HNF4A: variants seen among roughly 807,000 people sequenced by gnomAD.
HNF4A encodes hepatocyte nuclear factor 4-alpha.
In HNF4A, 15 loss-of-function variants were observed where a neutral mutation model predicts 52.4. The ratio of observed to expected loss-of-function variants is 0.29; its 90% CI spans 0.19 to 0.44. The LOEUF is 0.44. Ranked by LOEUF, HNF4A falls within the 20% of genes least tolerant of loss-of-function variation. The pLI, the probability that HNF4A is intolerant of heterozygous loss-of-function variation, is 1.00. For missense variants in HNF4A, 479 were observed against 647.2 expected (o/e 0.74, Z 2.82); for synonymous variants, 280 against 264.4 (o/e 1.06, Z -0.57).
At chr20:44,434,209 C>A (rs1008507672), downstream of HNF4A, 1 of 152,154 alleles carries the variant, frequency 6.6e-6, no homozygotes, top group African/African-American at 2.4e-5. Context: ...CCACTCCGAG[C>A]CTCATCTGTA....
At chr20:44,425,609 T>C (rs1423302824) in intron 8 of HNF4A, among the ~76,000 whole-genome samples, 1 of 151,312 alleles carries the variant, frequency 6.6e-6, no homozygotes, top group Admixed American at 6.6e-5. Context: ...GGGGTGGTAG[T>C]GAGGGGTGAC....
chr20:44,390,663 C>T (rs549449127), intron 1 of HNF4A: 6 of 702,356 alleles, frequency 8.5e-6, no homozygotes, highest in South Asian at 1.5e-5. Context: ...GCCAGGGCTT[C>T]CCCCAGGACC....
intron 7 of HNF4A, among the ~76,000 whole-genome samples, chr20:44,420,350 A>G (rs1009396987): frequency 2.6e-5 from 4 of 151,900 alleles, no homozygotes; most frequent in Non-Finnish European, 5.9e-5. Context: ...GGAGGATATG[A>G]CTTGACAGGG....
intron 7 of HNF4A, among the ~76,000 whole-genome samples, chr20:44,422,683 A>C (rs1489255251): frequency 6.8e-6 from 1 of 147,584 alleles, no homozygotes; most frequent in Non-Finnish European, 1.5e-5. Context: ...ATATATAAAT[A>C]TATATTTTTT....
At position 44,424,259 on chromosome 20, in the gene HNF4A, G is replaced by A. The variant is rs745742092; in HGVS notation, c.1129+5G>A. On this transcript the variant is annotated splice_donor_5th_base_variant and intron_variant, in intron 8 of 9. Coordinates refer to ENST00000316099, the MANE Select transcript of HNF4A (RefSeq NM_000457.6). ...TGCAGGAGATGCTGCTGGGAGGTCC[G>A]TGCCAAGCCCAGGAGGGGCGGGGTT... is the stretch of plus-strand genomic sequence containing the variant. 28 of 1,613,566 alleles carry A rather than the reference G, an allele frequency of 1.7e-5. No homozygotes were observed. The highest frequency in any genetic ancestry group is 4.5e-5 in the East Asian group (2 of 44,876).
In HNF4A at chr20:44,414,656, C is replaced by T. The variant is rs759574096; in HGVS notation, c.642C>T (p.Asp214=). 5.0e-5 allele frequency: 81 copies of T among 1,604,478 alleles called. No homozygotes were observed. In the African/African-American group the frequency reaches 6.4e-4, roughly 13 times the overall value. The change falls in exon 5 of 10, where the codon GAC becomes GAT. Residue 214 remains aspartate, a synonymous_variant. Transcript: ENST00000316099. ...CAGCTTTCTGCGAGCTCCCCCTGGA[C>T]GACCAGGTGAGGATGGGCGTGGATG...
chr20:44,388,375 C>A (rs1250258025), intron 1 of HNF4A, among the ~76,000 whole-genome samples: 2 of 114,666 alleles, frequency 1.7e-5, no homozygotes, highest in Admixed American at 7.6e-5. Flanking sequence ...CTCAAAGACC[C>A]CCCCCACCCC....
intron 1 of HNF4A, chr20:44,390,576 C>A (rs1337791167): frequency 1.4e-6 from 1 of 701,820 alleles, no homozygotes; most frequent in Non-Finnish European, 2.6e-6. Context: ...GAGGGGCCAG[C>A]AGGAGCTCCC....
At chr20:44,400,750 C>T (rs367966071), upstream of HNF4A, among the ~76,000 whole-genome samples, 45 of 152,226 alleles carry the variant, frequency 3.0e-4, no homozygotes, top group South Asian at 5.6e-3. Context: ...CGGGAAACTG[C>T]GGGGGAACTG....
intron 8 of HNF4A, 60 bp downstream of exon 8, chr20:44,424,314 C>G: frequency 6.2e-7 from 1 of 1,601,156 alleles, no homozygotes; most frequent in Non-Finnish European, 8.5e-7. Context: ...AGACAGGCCT[C>G]ACACAGTGAG....
Position 44,419,853 on chromosome 20 carries a change from A to G in HNF4A, c.869A>G (p.Lys290Arg), listed in dbSNP as rs775961355. ...GATGACAATGAGTATGCCTACCTCA[A>G]AGCCATCATCTTCTTTGACCCAGGT... The change falls in exon 7 of 10, where the codon AAA becomes AGA. Residue 290 changes from lysine to arginine, a missense_variant. Coordinates refer to ENST00000316099, the MANE Select transcript of HNF4A (RefSeq NM_000457.6). The G allele has an allele frequency of 1.2e-6, 2 of 1,614,050 alleles. No individual in the cohort carries two copies. Among genetic ancestry groups the G allele is most frequent in the South Asian group, 1.1e-5 (1 of 91,076 alleles).
At chr20:44,416,445 A>T (rs1316613982) in intron 5 of HNF4A, among the ~76,000 whole-genome samples, 5 of 152,264 alleles carry the variant, frequency 3.3e-5, no homozygotes, top group Admixed American at 3.3e-4. Context: ...ATTCAAATCC[A>T]GGTCTTCCGC....
chr20:44,414,687 C>T, intron 5 of HNF4A, 25 bp downstream of exon 5: 1 of 1,581,656 alleles, frequency 6.3e-7, no homozygotes, highest in Non-Finnish European at 8.6e-7. Context: ...GGATGGTGGG[C>T]AGTAGTGGGC....
chr20:44,401,591 C>T lies in HNF4A; in HGVS notation c.115+104C>T, dbSNP rs912877308. ...ACTTTGGGGTGGGAGGAGAATGATA[C>T]AAAATGGTAGGTTGGTCCTACAGGC... On this transcript the variant is annotated intron_variant, in intron 1 of 9. Coordinates refer to ENST00000316099, the MANE Select transcript of HNF4A (RefSeq NM_000457.6). 4.2e-6 allele frequency: 6 copies of T among 1,420,222 alleles called. No individual in the cohort carries two copies. In the Admixed American group the frequency reaches 7.8e-5, roughly 18 times the overall value. The allele number at this position is 1,420,222 out of a possible 1,614,324, so 88.0% of individuals were successfully genotyped here.
intron 7 of HNF4A, among the ~76,000 whole-genome samples, chr20:44,421,778 T>TATA (rs1326113983): frequency 6.8e-6 from 1 of 146,628 alleles, no homozygotes; most frequent in Non-Finnish European, 1.5e-5. Flanking sequence ...TATGTGTATA[T>TATA]ATATATAATA....
At chr20:44,397,871 C>A (rs541084195), upstream of HNF4A, among the ~76,000 whole-genome samples, 7 of 152,294 alleles carry the variant, frequency 4.6e-5, no homozygotes, top group Admixed American at 1.3e-4. Context: ...AGGTGATCTG[C>A]CTGCCTCGGC....
At position 44,364,976 on chromosome 20, in the gene HNF4A, G is replaced by T. The variant is rs75917681; in HGVS notation, c.49+9123G>T. Among the ~76,000 whole-genome samples, 709 of 152,264 alleles carry T rather than the reference G, an allele frequency of 4.7e-3. 4 individuals carry two copies. Among genetic ancestry groups the T allele is most frequent in the Non-Finnish European group, 7.4e-3 (503 of 68,020 alleles). On this transcript the variant is annotated intron_variant, in intron 1 of 9. Coordinates refer to the HNF4A transcript ENST00000316673. ...CATGGCCCTTGCCAAATGCAAGGGGGTCTGGAAGATGTGGTCCCTAGCGGG... is the reference window on the plus strand; with the variant it reads ...CATGGCCCTTGCCAAATGCAAGGGGTTCTGGAAGATGTGGTCCCTAGCGGG...
chr20:44,418,404 A>G (rs1251090207), intron 5 of HNF4A, 21 bp from the exon 6 acceptor site: 1 of 1,607,186 alleles, frequency 6.2e-7, no homozygotes, highest in Non-Finnish European at 8.5e-7. Flanking sequence ...GATGGCAAAC[A>G]CTGTTCCTTC....
chr20:44,401,095 G>A (rs1039157903), upstream of HNF4A, among the ~76,000 whole-genome samples: 1 of 152,154 alleles, frequency 6.6e-6, no homozygotes, highest in Non-Finnish European at 1.5e-5. Context: ...AGCACCCCGG[G>A]TGTCAGCCAG....
Sources: allele counts gnomAD v4.1 joint callset (sites outside exome capture counted in the v4.1 genomes callset), GRCh38; gene constraint gnomAD v4.1.1; transcripts MANE v1.5; gene names NCBI Gene and HGNC (gene_info 2026-07-23, HGNC 2026-07-21).